The following SYNE1 variants were observed in gnomAD, a reference collection of about 807,000 sequenced individuals.
SYNE1 encodes nesprin-1.
A neutral mutation model predicts 1,111.0 loss-of-function variants in SYNE1; 616 were observed. The observed-to-expected ratio is 0.55, with a 90% CI of 0.52 to 0.59. The LOEUF (loss-of-function observed/expected upper bound fraction) is 0.59, where lower values mean the gene tolerates loss of function less well. Among genes scored for constraint, SYNE1 ranks in the 20% least tolerant of loss-of-function variants. The probability of loss-of-function intolerance (pLI) is 0.00; values close to 1 mark genes in which losing one functional copy is unlikely to be tolerated. For synonymous variants in SYNE1, 3,855 were observed against 3,825.8 expected, an observed-to-expected ratio of 1.01 and a Z score of -0.28; for missense variants, 10,006 against 10,417.0, an observed-to-expected ratio of 0.96 and a Z score of 1.72.
rs774545219 is a variant in SYNE1 at position 152,213,775 on chromosome 6, G to C, written c.22347-16C>G. On this transcript the variant is annotated splice_polypyrimidine_tract_variant and intron_variant, in intron 122 of 145. Coordinates refer to ENST00000367255, the MANE Select transcript of SYNE1 (RefSeq NM_182961.4). ...CTGCAACTTGCTGAAAGAACAAAGGGCAAGGAACAATGGTTATTTCACTGC... is the reference window on the plus strand; with the variant it reads ...CTGCAACTTGCTGAAAGAACAAAGGCCAAGGAACAATGGTTATTTCACTGC... 1 of 1,613,912 alleles carries C rather than the reference G, an allele frequency of 6.2e-7. No homozygotes were observed. The highest frequency in any genetic ancestry group is 1.1e-5 in the South Asian group (1 of 91,068).
intron 66 of SYNE1, among the ~76,000 whole-genome samples, chr6:152,358,047 C>T (rs2096868040): frequency 1.3e-5 from 2 of 152,206 alleles, no homozygotes; most frequent in African/African-American, 4.8e-5. Flanking sequence ...TCCCCCAGAT[C>T]TGATGTGATC....
chr6:152,257,546 T>C (rs1383722475), intron 101 of SYNE1, among the ~76,000 whole-genome samples: 1 of 151,862 alleles, frequency 6.6e-6, no homozygotes, highest in Non-Finnish European at 1.5e-5. Context: ...ACACAAAAGA[T>C]GACATTATAA....
At chr6:152,346,771 C>T (rs1380860985) in intron 73 of SYNE1, among the ~76,000 whole-genome samples, 2 of 152,132 alleles carry the variant, frequency 1.3e-5, no homozygotes, top group African/African-American at 4.8e-5. Context: ...GATCGCGCCA[C>T]TGCACTCCAG....
At chr6:152,207,675 T>C (rs573856432) in intron 125 of SYNE1, among the ~76,000 whole-genome samples, 1 of 152,340 alleles carries the variant, frequency 6.6e-6, no homozygotes, top group South Asian at 2.1e-4. Context: ...GCAAGCAACA[T>C]GAAGTTTTTC....
chr6:152,207,974 G>A lies in SYNE1; in HGVS notation c.22822C>T (p.Gln7608Ter). The change falls in exon 125 of 146, where the codon CAG becomes TAG. Residue 7608 changes from glutamine to a stop codon, truncating the protein, a stop_gained and splice_region_variant. Coordinates refer to ENST00000367255, the MANE Select transcript of SYNE1 (RefSeq NM_182961.4). LOFTEE classifies it high-confidence loss of function. ...QQARTLFDEV[Q>*]FKEKVFLRQQ... is the part of the protein sequence containing the mutation. The stretch of plus-strand genomic sequence containing the variant: ...GAACACTGTGTTTTGCATCTTACCT[G>A]CACTTCATCAAAGAGGGTCCTTGCT... The A allele has an allele frequency of 6.2e-7, 1 of 1,614,028 alleles. No individual in the cohort carries two copies. The highest frequency in any genetic ancestry group is 8.5e-7 in the Non-Finnish European group (1 of 1,179,900).
chr6:152,176,475 T>C lies in SYNE1; in HGVS notation c.23546A>G (p.Glu7849Gly). ...MGERLAKASH[E>G]SKASEIEYKL... Reference sequence around the variant, plus strand: ...GTATTCAATCTCAGATGCTTTGCTTTCATGGCTGGCTTTAGCAAGTCGTTC... The same window carrying C: ...GTATTCAATCTCAGATGCTTTGCTTCCATGGCTGGCTTTAGCAAGTCGTTC... Residue 7849 changes from glutamate to glycine, a missense_variant, in exon 130 of 146, where the codon GAA (glutamate) becomes GGA (glycine). Physicochemically the swap from Glu to Gly is moderately conservative, Grantham distance 98 (BLOSUM62 -2). Coordinates refer to ENST00000367255, the MANE Select transcript of SYNE1 (RefSeq NM_182961.4). 6.2e-7 allele frequency: 1 copy of C among 1,614,228 alleles called. No individual in the cohort carries two copies. The highest frequency in any genetic ancestry group is 8.5e-7 in the Non-Finnish European group (1 of 1,180,028).
chr6:152,444,798 C>T (rs1170230090), intron 29 of SYNE1, among the ~76,000 whole-genome samples: 1 of 152,112 alleles, frequency 6.6e-6, no homozygotes, highest in Admixed American at 6.5e-5. Context: ...ACTCTCGTAG[C>T]AAGTTTCAAG....
chr6:152,264,330 A>G (rs1315514232), intron 100 of SYNE1, among the ~76,000 whole-genome samples: 1 of 151,954 alleles, frequency 6.6e-6, no homozygotes, highest in Non-Finnish European at 1.5e-5. Context: ...TCTAAAAGGA[A>G]TACTAGATAT....
chr6:152,503,428 C>A (rs1416980297), intron 9 of SYNE1, among the ~76,000 whole-genome samples: 1 of 152,062 alleles, frequency 6.6e-6, no homozygotes, highest in Non-Finnish European at 1.5e-5. Flanking sequence ...TTATCTAATA[C>A]AAATGGTAAA....
At chr6:152,395,072 C>G (rs892362052) in intron 51 of SYNE1, among the ~76,000 whole-genome samples, 1 of 151,584 alleles carries the variant, frequency 6.6e-6, no homozygotes, top group Non-Finnish European at 1.5e-5. Context: ...CGTGAGCCAC[C>G]GCACCTGGCA....
At chr6:152,347,365 T>A in intron 72 of SYNE1, 130 bp from the exon 73 acceptor site, 1 of 1,100,214 alleles carries the variant, frequency 9.1e-7, no homozygotes, top group Non-Finnish European at 1.3e-6. Context: ...ACCTTAGTTA[T>A]ATATTAAATG....
intron 128 of SYNE1, among the ~76,000 whole-genome samples, chr6:152,186,734 T>A (rs560844585): frequency 5.3e-5 from 8 of 152,076 alleles, no homozygotes; most frequent in Non-Finnish European, 1.2e-4. Flanking sequence ...TCTGAAGGCT[T>A]CACAGGCATC....
chr6:152,183,408 C>T (rs1013245090), intron 128 of SYNE1, among the ~76,000 whole-genome samples: 6 of 151,990 alleles, frequency 3.9e-5, no homozygotes, highest in Non-Finnish European at 7.4e-5. Flanking sequence ...CAAGACCAGC[C>T]GGGCCAACAT....
intron 115 of SYNE1, among the ~76,000 whole-genome samples, chr6:152,228,322 C>G (rs1410887014): frequency 6.6e-6 from 1 of 152,156 alleles, no homozygotes; most frequent in African/African-American, 2.4e-5. Context: ...AAAGTTCTTT[C>G]AACCACACTT....
chr6:152,528,700 C>A (rs1487763164), intron 4 of SYNE1, among the ~76,000 whole-genome samples: 1 of 152,088 alleles, frequency 6.6e-6, no homozygotes, highest in Non-Finnish European at 1.5e-5. Context: ...TGTGTCCATG[C>A]CAGTATATGT....
intron 121 of SYNE1, among the ~76,000 whole-genome samples, chr6:152,216,737 T>C (rs763111974): frequency 2.0e-5 from 3 of 152,230 alleles, no homozygotes; most frequent in Non-Finnish European, 2.9e-5. Flanking sequence ...TGAATTATTT[T>C]GCTTACTTGA....
chr6:152,430,385 C>A, intron 35 of SYNE1, 97 bp downstream of exon 35: 1 of 1,237,994 alleles, frequency 8.1e-7, no homozygotes, highest in African/African-American at 1.5e-5. Context: ...CAAATTATGT[C>A]TTTCTCTTAT....
intron 104 of SYNE1, among the ~76,000 whole-genome samples, chr6:152,251,006 G>A (rs2089035798): frequency 6.6e-6 from 1 of 152,154 alleles, no homozygotes; most frequent in Non-Finnish European, 1.5e-5. Context: ...CTGGAGTGCG[G>A]TGGCGCGATC....
chr6:152,591,817 AT>A (rs1349249748), intron 3 of SYNE1, among the ~76,000 whole-genome samples: 1 of 151,838 alleles, frequency 6.6e-6, no homozygotes, highest in African/African-American at 2.4e-5. Context: ...CAGCAAAAAA[AT>A]AAAATAAAAT....
Sources: gnomAD v4.1 joint callset for allele counts (sites outside exome capture counted in the v4.1 genomes callset) on GRCh38, gnomAD v4.1.1 for gene constraint, MANE v1.5 for transcripts, NCBI Gene and HGNC (gene_info 2026-07-23, HGNC 2026-07-21) for gene names.